Variants in ERI3 observed in about 807,000 individuals in gnomAD.
ERI3 encodes ERI1 exoribonuclease family member 3.
ERI3 carries 18 observed loss-of-function variants against 44.4 expected under a neutral mutation model. The observed-to-expected ratio is 0.41, with a 90% CI of 0.28 to 0.60. The LOEUF is 0.60. Ranked by LOEUF, ERI3 falls within the 20% of genes least tolerant of loss-of-function variation. The pLI is 0.36. For synonymous variants in ERI3, 183 were observed against 164.8 expected (o/e 1.11, Z -0.84); for missense variants, 294 against 435.5 (o/e 0.68, Z 2.89).
chr1:44,227,953 A>T (rs1256130374), intron 8 of ERI3, among the ~76,000 whole-genome samples: 1 of 152,260 alleles, frequency 6.6e-6, no homozygotes, highest in East Asian at 1.9e-4. Context: ...TGCTTAAAAC[A>T]GTAGCTCGGT....
chr1:44,354,138 C>T (rs1244070679), intron 1 of ERI3: 57 of 985,332 alleles, frequency 5.8e-5, no homozygotes, highest in Non-Finnish European at 6.6e-5. Flanking sequence ...CTCATTTAGC[C>T]ACTCACAACC....
chr1:44,314,073 AC>A, intron 4 of ERI3, among the ~76,000 whole-genome samples: 1 of 149,928 alleles, frequency 6.7e-6, no homozygotes, highest in East Asian at 2.0e-4. Context: ...GGAAATCACC[AC>A]CCCCAGCATG....
In ERI3 at chr1:44,353,887, C is replaced by T. The variant is rs537142493; in HGVS notation, c.136-962G>A. On this transcript the variant is annotated intron_variant, in intron 1 of 8. Coordinates refer to ENST00000372257, the MANE Select transcript of ERI3 (RefSeq NM_024066.3). ...CTTCCCGGCAGCTCCCTTCCCCCAA[C>T]CCCCACCTCCTGAGGAAAAGGCAGC... 2.7e-5 allele frequency: 27 copies of T among 985,326 alleles called. No individual in the cohort carries two copies. In the South Asian group the frequency reaches 9.4e-4, roughly 34 times the overall value. The allele number at this position is 985,326 out of a possible 1,614,324, so 61.0% of individuals were successfully genotyped here. A position where few individuals can be genotyped will look rare whatever the true frequency, so the allele number is the denominator to read the frequency against.
chr1:44,232,258 C>T (rs932578056), intron 8 of ERI3, among the ~76,000 whole-genome samples: 8 of 152,104 alleles, frequency 5.3e-5, no homozygotes, highest in East Asian at 1.9e-4. Flanking sequence ...GGAGGCAGGC[C>T]GAAGGACAAA....
At chr1:44,346,579 G>A (rs1646787409) in intron 2 of ERI3, among the ~76,000 whole-genome samples, 3 of 152,150 alleles carry the variant, frequency 2.0e-5, no homozygotes, top group Non-Finnish European at 4.4e-5. Flanking sequence ...TGGATGGAGG[G>A]CAGGGTATGG....
chr1:44,354,836 AC>A (rs1646964914), intron 1 of ERI3, 55 bp downstream of exon 1: 7 of 1,311,766 alleles, frequency 5.3e-6, no homozygotes, highest in Admixed American at 6.1e-5. Flanking sequence ...CGCGACCCTC[AC>A]CCCGCATGCA....
At chr1:44,323,168 C>A (rs936839129) in intron 3 of ERI3, 1 of 255,452 alleles carries the variant, frequency 3.9e-6, no homozygotes, top group Non-Finnish European at 7.4e-6. Context: ...CTTTACAATT[C>A]TTTGCCTTTG....
At chr1:44,267,672 C>T (rs1173165778) in intron 7 of ERI3, among the ~76,000 whole-genome samples, 3 of 152,184 alleles carry the variant, frequency 2.0e-5, no homozygotes, top group African/African-American at 7.2e-5. Flanking sequence ...GCCTGCAGCC[C>T]GCCTGCCTGC....
At chr1:44,306,221 C>A (rs1194097596) in intron 6 of ERI3, among the ~76,000 whole-genome samples, 3 of 152,244 alleles carry the variant, frequency 2.0e-5, no homozygotes, top group Admixed American at 2.0e-4. Flanking sequence ...CATCAGCCTT[C>A]CCAGTCCAAA....
intron 1 of ERI3, chr1:44,353,576 A>G: frequency 1.0e-6 from 1 of 985,428 alleles, no homozygotes; most frequent in Non-Finnish European, 1.2e-6. Context: ...CCACACATTT[A>G]AGACTTTCTT....
intron 2 of ERI3, among the ~76,000 whole-genome samples, chr1:44,342,253 G>A (rs1646669318): frequency 6.6e-6 from 1 of 152,174 alleles, no homozygotes. Context: ...GATGTGGAGA[G>A]CATCCATGTC....
intron 7 of ERI3, among the ~76,000 whole-genome samples, chr1:44,281,070 T>C (rs375850915): frequency 1.4e-3 from 208 of 152,300 alleles, no homozygotes; most frequent in African/African-American, 4.7e-3. Flanking sequence ...ACATGCTACA[T>C]TGTGCTTAGC....
chr1:44,248,700 A>AGTGTGTGTGTGTGT (rs1292976718), intron 7 of ERI3, among the ~76,000 whole-genome samples: 7 of 106,502 alleles, frequency 6.6e-5, no homozygotes, highest in African/African-American at 2.9e-4. Flanking sequence ...TGTGTGAGAG[A>AGTGTGTGTGTGTGT]GAGTGTGTGT....
At chr1:44,264,930 A>G (rs1644960681) in intron 7 of ERI3, among the ~76,000 whole-genome samples, 1 of 152,256 alleles carries the variant, frequency 6.6e-6, no homozygotes. Flanking sequence ...TACTGGTTCT[A>G]GAAATTCCTT....
At chr1:44,286,573 G>A (rs1645398451) in intron 6 of ERI3, among the ~76,000 whole-genome samples, 2 of 151,908 alleles carry the variant, frequency 1.3e-5, no homozygotes, top group Admixed American at 1.3e-4. Context: ...GTGAGCAGAG[G>A]GCCCAGGCTA....
Position 44,354,957 on chromosome 1 carries a change from G to T in ERI3, c.70C>A (p.Pro24Thr), listed in dbSNP as rs201995969. The change falls in exon 1 of 9, where the codon CCC (proline) becomes ACC (threonine). Residue 24 changes from proline to threonine, a missense_variant. By Grantham distance (38) the Pro-to-Thr change is conservative. Coordinates refer to ENST00000372257, the MANE Select transcript of ERI3 (RefSeq NM_024066.3). ...GGGAGAGTAAGGGGAGGGGCGGGGG[G>T]CCAGGAGACCAGCCCTCCTTCCCAG... ...RPWEGGLVSWPPAPPLTLPWT... is the reference protein window; with the variant it reads ...RPWEGGLVSWTPAPPLTLPWT... 2.2e-6 allele frequency: 3 copies of T among 1,344,354 alleles called. No individual in the cohort carries two copies. Among genetic ancestry groups the T allele is most frequent in the African/African-American group, 3.0e-5 (2 of 66,588 alleles). The allele number at this position is 1,344,354 out of a possible 1,614,324, so 83.3% of individuals were successfully genotyped here.
chr1:44,309,105 C>CT (rs1311756504), intron 5 of ERI3, among the ~76,000 whole-genome samples: 2 of 152,240 alleles, frequency 1.3e-5, no homozygotes, highest in African/African-American at 4.8e-5. Flanking sequence ...CCTAAACACT[C>CT]TAAATCTTTC....
intron 8 of ERI3, among the ~76,000 whole-genome samples, chr1:44,231,207 T>C (rs979055479): frequency 6.6e-6 from 1 of 152,240 alleles, no homozygotes; most frequent in Non-Finnish European, 1.5e-5. Flanking sequence ...TGTGGTATCA[T>C]GCTGGCAGTC....
intron 8 of ERI3, among the ~76,000 whole-genome samples, chr1:44,242,865 G>A (rs549874234): frequency 2.0e-4 from 31 of 152,314 alleles, no homozygotes; most frequent in Non-Finnish European, 3.5e-4. Context: ...GAGCTCATTA[G>A]CCAGCACCCC....
Sources: gnomAD v4.1 joint callset for allele counts (sites outside exome capture counted in the v4.1 genomes callset) on GRCh38, gnomAD v4.1.1 for gene constraint, MANE v1.5 for transcripts, NCBI Gene and HGNC (gene_info 2026-07-23, HGNC 2026-07-21) for gene names.